Variants in ST6GALNAC5 observed in about 807,000 individuals in gnomAD.
ST6GALNAC5 encodes the protein alpha-N-acetylgalactosaminide alpha-2,6-sialyltransferase 5.
In ST6GALNAC5, 27 loss-of-function variants were observed where a neutral mutation model predicts 33.6. That is an observed-to-expected ratio of 0.80 (90% CI 0.59 to 1.11). ST6GALNAC5 has a LOEUF of 1.11. Among genes scored for constraint, ST6GALNAC5 ranks in the 50% least tolerant of loss-of-function variants. ST6GALNAC5 has a pLI of 0.00. For missense variants in ST6GALNAC5, 428 were observed against 454.0 expected, an observed-to-expected ratio of 0.94 and a Z score of 0.52; for synonymous variants, 194 against 171.2, an observed-to-expected ratio of 1.13 and a Z score of -1.04.
rs373356393 is a variant in ST6GALNAC5, at chr1:76,875,320, C to A, written c.261+6578C>A. On this transcript the variant is annotated intron_variant, in intron 2 of 4. Transcript: ENST00000477717. The stretch of plus-strand genomic sequence containing the variant: ...CACTTGTAGTCCTACCTGGATTGGG[C>A]GGTTGTAATTTCCCATTGACTTTAA... 3.3e-5 allele frequency among the ~76,000 whole-genome samples: 5 copies of A among 152,126 alleles called. No individual in the cohort carries two copies. The East Asian group carries it at 5.8e-4, about 18-fold the overall frequency.
intron 2 of ST6GALNAC5, among the ~76,000 whole-genome samples, chr1:76,973,014 T>G (rs1648825342): frequency 2.0e-5 from 3 of 152,166 alleles, no homozygotes; most frequent in Admixed American, 2.0e-4. Context: ...AAAATGATCA[T>G]TCTCTAGCAA....
rs916273438 is a variant in ST6GALNAC5, at chr1:76,890,758, A to C, written c.261+22016A>C. On this transcript the variant is annotated intron_variant, in intron 2 of 4. Coordinates refer to ENST00000477717, the MANE Select transcript of ST6GALNAC5 (RefSeq NM_030965.3). ...AGAAATGCAGAAAAATAGAAGAATA[A>C]AAAATTTTAGAATTTTGTAAACTAG... is the stretch of plus-strand genomic sequence containing the variant. 2.6e-5 allele frequency among the ~76,000 whole-genome samples: 4 copies of C among 152,220 alleles called. No homozygotes were observed. In the South Asian group the frequency reaches 6.2e-4, roughly 24 times the overall value.
rs1030631991 is a variant in ST6GALNAC5 at position 77,050,332 on chromosome 1, A to T, written c.746A>T (p.Asn249Ile). Residue 249 changes from asparagine to isoleucine, a missense_variant, in exon 4 of 5, where the codon AAT becomes ATT. Transcript: ENST00000477717. ...TIALELCDRI[N>I]VYGMVPPDFC... Reference sequence around the variant, plus strand: ...GCACTGGAGCTCTGTGACAGGATCAATGTTTATGGCATGGTGCCCCCAGAC... The same window carrying T: ...GCACTGGAGCTCTGTGACAGGATCATTGTTTATGGCATGGTGCCCCCAGAC... 1 of 1,614,114 alleles carries T rather than the reference A, an allele frequency of 6.2e-7. No homozygotes were observed. Among genetic ancestry groups the T allele is most frequent in the African/African-American group, 1.3e-5 (1 of 75,058 alleles).
intron 2 of ST6GALNAC5, among the ~76,000 whole-genome samples, chr1:76,939,940 A>G (rs541269106): frequency 1.2e-3 from 179 of 152,064 alleles, no homozygotes; most frequent in Middle Eastern, 3.2e-3. Flanking sequence ...CCTTATCTTT[A>G]AAACCGGAAT....
At chr1:76,869,346 G>A (rs960833980) in intron 2 of ST6GALNAC5, among the ~76,000 whole-genome samples, 1 of 152,170 alleles carries the variant, frequency 6.6e-6, no homozygotes, top group South Asian at 2.1e-4. Context: ...TCTGCCTTCC[G>A]GGAAGCTGCT....
In ST6GALNAC5 at chr1:76,928,300, T is replaced by G. The variant is rs544482548; in HGVS notation, c.261+59558T>G. 2.6e-5 allele frequency among the ~76,000 whole-genome samples: 4 copies of G among 152,310 alleles called. No individual in the cohort carries two copies. In the South Asian group the frequency reaches 6.2e-4, roughly 24 times the overall value. Reference sequence around the variant, plus strand: ...TTGTATTTTCATCCTTCATTGATTTTTAATGCAATGTGATGTATTATAGCC... The same window carrying G: ...TTGTATTTTCATCCTTCATTGATTTGTAATGCAATGTGATGTATTATAGCC... On this transcript the variant is annotated intron_variant, in intron 2 of 4. Coordinates refer to ENST00000477717, the MANE Select transcript of ST6GALNAC5 (RefSeq NM_030965.3).
chr1:76,980,288 T>A (rs1427496523), intron 2 of ST6GALNAC5, among the ~76,000 whole-genome samples: 1 of 152,136 alleles, frequency 6.6e-6, no homozygotes, highest in African/African-American at 2.4e-5. Context: ...AGAGTTGTCA[T>A]AACAGAAAAC....
chr1:76,960,157 G>A (rs1274388552), intron 2 of ST6GALNAC5, among the ~76,000 whole-genome samples: 4 of 152,080 alleles, frequency 2.6e-5, no homozygotes, highest in African/African-American at 9.7e-5. Context: ...ATTTCACGTA[G>A]TTTCTTTTCT....
At chr1:76,972,679 T>A (rs1648811221) in intron 2 of ST6GALNAC5, among the ~76,000 whole-genome samples, 1 of 152,180 alleles carries the variant, frequency 6.6e-6, no homozygotes, top group Non-Finnish European at 1.5e-5. Context: ...ATCTGTAGAA[T>A]AAATTTCTGG....
chr1:77,055,816 A>G (rs1652378454), intron 4 of ST6GALNAC5, among the ~76,000 whole-genome samples: 2 of 152,144 alleles, frequency 1.3e-5, no homozygotes, highest in Non-Finnish European at 2.9e-5. Context: ...CTCAATCCAC[A>G]TTTGTATCAT....
At chr1:76,911,034 T>C (rs1011919892) in intron 2 of ST6GALNAC5, among the ~76,000 whole-genome samples, 5 of 152,116 alleles carry the variant, frequency 3.3e-5, no homozygotes, top group African/African-American at 4.8e-5. Context: ...AAAACTGCAC[T>C]TGCTGTTAGA....
intron 2 of ST6GALNAC5, among the ~76,000 whole-genome samples, chr1:76,877,301 T>C (rs1653666633): frequency 1.3e-5 from 2 of 152,230 alleles, no homozygotes; most frequent in South Asian, 4.1e-4. Flanking sequence ...TTGGATCTGC[T>C]GGGTCATATG....
chr1:76,910,052 A>C, intron 2 of ST6GALNAC5, among the ~76,000 whole-genome samples: 1 of 152,082 alleles, frequency 6.6e-6, no homozygotes. Flanking sequence ...TTAAGGAAAA[A>C]TAACTTTACC....
chr1:76,946,001 T>G (rs555219221), intron 2 of ST6GALNAC5, among the ~76,000 whole-genome samples: 1 of 152,016 alleles, frequency 6.6e-6, no homozygotes, highest in Non-Finnish European at 1.5e-5. Context: ...CAGAGATGAG[T>G]CCTTAGCATA....
chr1:76,965,375 T>A (rs1648425159), intron 2 of ST6GALNAC5, among the ~76,000 whole-genome samples: 1 of 152,232 alleles, frequency 6.6e-6, no homozygotes, highest in African/African-American at 2.4e-5. Flanking sequence ...ATGATGAGCA[T>A]TTTTTCATGT....
intron 2 of ST6GALNAC5, among the ~76,000 whole-genome samples, chr1:76,975,743 T>C (rs1396066746): frequency 1.3e-5 from 2 of 152,192 alleles, no homozygotes; most frequent in Non-Finnish European, 2.9e-5. Flanking sequence ...TGTTTAGGAA[T>C]GCGTATTTTA....
intron 2 of ST6GALNAC5, among the ~76,000 whole-genome samples, chr1:76,925,307 A>G (rs955466790): frequency 6.6e-6 from 1 of 152,028 alleles, no homozygotes; most frequent in Non-Finnish European, 1.5e-5. Flanking sequence ...CAAATATCCA[A>G]ACTGTATCAC....
intron 2 of ST6GALNAC5, among the ~76,000 whole-genome samples, chr1:76,992,569 A>T (rs143921526): frequency 1.4e-3 from 208 of 152,250 alleles, no homozygotes; most frequent in African/African-American, 4.8e-3. Flanking sequence ...ATCTCAGCTC[A>T]CTGCAACCTC....
intron 2 of ST6GALNAC5, among the ~76,000 whole-genome samples, chr1:77,001,697 G>A (rs976856474): frequency 2.6e-4 from 39 of 151,666 alleles, no homozygotes; most frequent in African/African-American, 8.0e-4. Context: ...TTTTTAGCAT[G>A]AAGGGTTGTT....
Sources: gnomAD v4.1 joint callset for allele counts (sites outside exome capture counted in the v4.1 genomes callset) on GRCh38, gnomAD v4.1.1 for gene constraint, MANE v1.5 for transcripts, NCBI Gene and HGNC (gene_info 2026-07-23, HGNC 2026-07-21) for gene names.